ASIC2: variants seen among roughly 807,000 people sequenced by gnomAD.
ASIC2 encodes the protein acid-sensing ion channel 2.
ASIC2 carries 25 observed loss-of-function variants against 57.3 expected under a neutral mutation model. That is an observed-to-expected ratio of 0.44 (90% CI 0.32 to 0.61). The LOEUF is 0.61. Among genes scored for constraint, ASIC2 ranks in the 20% least tolerant of loss-of-function variants. The pLI, the probability that ASIC2 is intolerant of heterozygous loss-of-function variation, is 0.06. For missense variants in ASIC2, 641 were observed against 738.1 expected, an observed-to-expected ratio of 0.87 and a Z score of 1.52; for synonymous variants, 319 against 307.5, an observed-to-expected ratio of 1.04 and a Z score of -0.39.
chr17:33,754,561 G>A (rs753990853), intron 1 of ASIC2, among the ~76,000 whole-genome samples: 17 of 152,138 alleles, frequency 1.1e-4, no homozygotes, highest in South Asian at 4.1e-4. Context: ...AATTCATGCT[G>A]TTGTTCCTTC....
At chr17:33,536,089 A>G (rs1915219131) in intron 1 of ASIC2, among the ~76,000 whole-genome samples, 1 of 152,236 alleles carries the variant, frequency 6.6e-6, no homozygotes, top group Admixed American at 6.5e-5. Context: ...TCCCTAGCCC[A>G]AGAGCAAAAG....
chr17:33,718,019 G>C (rs1909274401), intron 1 of ASIC2, among the ~76,000 whole-genome samples: 1 of 152,052 alleles, frequency 6.6e-6, no homozygotes, highest in Admixed American at 6.5e-5. Context: ...ATTTCAGAAG[G>C]GGTTTCTACA....
intron 1 of ASIC2, among the ~76,000 whole-genome samples, chr17:33,180,947 C>T (rs1442305429): frequency 6.6e-6 from 1 of 152,204 alleles, no homozygotes; most frequent in African/African-American, 2.4e-5. Flanking sequence ...CGGCTGTGCT[C>T]TGCTTCACAT....
In ASIC2 at chr17:33,160,528, C is replaced by T. The variant is rs141253304; in HGVS notation, c.709-48461G>A. Among the ~76,000 whole-genome samples, 15 of 152,364 alleles carry T rather than the reference C, an allele frequency of 9.8e-5. No individual in the cohort carries two copies. The East Asian group carries it at 2.9e-3, about 29-fold the overall frequency. ...CACTGTGTAGTGGGGCAGTCCAAAG[C>T]AGCTTTTTACACATTTCTAGGCTAC... On this transcript the variant is annotated intron_variant, in intron 1 of 9. Transcript: ENST00000225823.
chr17:33,265,378 G>A (rs1011084900), intron 1 of ASIC2, among the ~76,000 whole-genome samples: 2 of 152,160 alleles, frequency 1.3e-5, no homozygotes, highest in East Asian at 3.9e-4. Context: ...GGAGCTGGAA[G>A]CCATAATCCT....
At chr17:34,081,299 G>A (rs1909872533) in intron 1 of ASIC2, among the ~76,000 whole-genome samples, 2 of 152,128 alleles carry the variant, frequency 1.3e-5, no homozygotes, top group African/African-American at 4.8e-5. Flanking sequence ...TGGTAAGAAG[G>A]AACCTAATGG....
At chr17:33,731,138 TTA>T (rs1205053398) in intron 1 of ASIC2, among the ~76,000 whole-genome samples, 1 of 152,230 alleles carries the variant, frequency 6.6e-6, no homozygotes, top group Non-Finnish European at 1.5e-5. Flanking sequence ...GGCACCCTGT[TTA>T]TATTCTCACA....
chr17:33,165,190 T>C (rs1239853671), intron 1 of ASIC2, among the ~76,000 whole-genome samples: 1 of 152,154 alleles, frequency 6.6e-6, no homozygotes, highest in East Asian at 1.9e-4. Flanking sequence ...TGCCAGATGT[T>C]TGTCTACCAA....
At chr17:33,411,988 T>C (rs1222129323) in intron 1 of ASIC2, among the ~76,000 whole-genome samples, 2 of 152,160 alleles carry the variant, frequency 1.3e-5, no homozygotes, top group Admixed American at 6.5e-5. Context: ...GTGAGTGCTA[T>C]GGTTTGAGTG....
intron 3 of ASIC2, among the ~76,000 whole-genome samples, chr17:33,069,301 G>A (rs1186586972): frequency 6.6e-6 from 1 of 152,180 alleles, no homozygotes; most frequent in Non-Finnish European, 1.5e-5. Context: ...TAAAGAATGT[G>A]TATTTTGCTA....
chr17:33,754,984 A>G (rs772301826), intron 1 of ASIC2, among the ~76,000 whole-genome samples: 1 of 147,614 alleles, frequency 6.8e-6, no homozygotes, highest in Non-Finnish European at 1.5e-5. Flanking sequence ...AAAAAAGAAC[A>G]GTTCCCTATA....
At chr17:34,135,092 A>T (rs1281246130) in intron 1 of ASIC2, among the ~76,000 whole-genome samples, 2 of 152,256 alleles carry the variant, frequency 1.3e-5, no homozygotes, top group Non-Finnish European at 2.9e-5. Flanking sequence ...ATGCTTTGCT[A>T]GAAGTGGAGG....
intron 1 of ASIC2, among the ~76,000 whole-genome samples, chr17:33,892,868 A>T (rs918373204): frequency 1.1e-4 from 17 of 152,182 alleles, no homozygotes; most frequent in African/African-American, 3.1e-4. Context: ...GATTAGCAGC[A>T]GCGAACCAAG....
intron 1 of ASIC2, among the ~76,000 whole-genome samples, chr17:33,599,359 G>A (rs144200612): frequency 1.3e-5 from 2 of 152,270 alleles, no homozygotes; most frequent in Non-Finnish European, 2.9e-5. Context: ...GCCTGATGAG[G>A]TATGTGGATG....
intron 1 of ASIC2, among the ~76,000 whole-genome samples, chr17:33,895,958 G>C (rs753538117): frequency 5.9e-5 from 9 of 152,096 alleles, no homozygotes; most frequent in Non-Finnish European, 1.2e-4. Flanking sequence ...CTGTAAAATG[G>C]AGACAACAGC....
chr17:33,218,131 C>A (rs1225155483), intron 1 of ASIC2, among the ~76,000 whole-genome samples: 1 of 152,210 alleles, frequency 6.6e-6, no homozygotes, highest in Non-Finnish European at 1.5e-5. Flanking sequence ...TAAAATAAAT[C>A]GGCCGTGCTG....
intron 1 of ASIC2, among the ~76,000 whole-genome samples, chr17:33,592,426 G>C (rs1215609556): frequency 1.3e-5 from 2 of 152,226 alleles, no homozygotes; most frequent in African/African-American, 4.8e-5. Flanking sequence ...GGAGATGGCT[G>C]GGTCAGGCAC....
chr17:33,784,043 AG>A (rs1418831364), intron 1 of ASIC2, among the ~76,000 whole-genome samples: 1 of 152,282 alleles, frequency 6.6e-6, no homozygotes, highest in South Asian at 2.1e-4. Flanking sequence ...AACCAAGCTC[AG>A]GGGGGCCTGG....
chr17:33,477,551 A>G (rs7207490), intron 1 of ASIC2, among the ~76,000 whole-genome samples: 51,433 of 152,076 alleles, frequency 0.34, 9,029 homozygotes, highest in African/African-American at 0.39. Context: ...CTGTGCTTTA[A>G]ATAGTGGCTG....
Sources: allele counts gnomAD v4.1 joint callset (sites outside exome capture counted in the v4.1 genomes callset), GRCh38; gene constraint gnomAD v4.1.1; transcripts MANE v1.5; gene names NCBI Gene and HGNC (gene_info 2026-07-23, HGNC 2026-07-21).